Variants in SP5 observed in about 807,000 individuals in gnomAD.
SP5 encodes Sp5 transcription factor, also known as transcription factor Sp5.
A neutral mutation model predicts 27.4 loss-of-function variants in SP5; 12 were observed. That is an observed-to-expected ratio of 0.44 (90% CI 0.28 to 0.71). The LOEUF (loss-of-function observed/expected upper bound fraction) is 0.71, where lower values mean the gene tolerates loss of function less well. Among genes scored for constraint, SP5 ranks in the 30% least tolerant of loss-of-function variants. SP5 has a pLI of 0.15. For synonymous variants in SP5, 330 were observed against 290.7 expected (o/e 1.14, Z -1.38); for missense variants, 660 against 589.8 (o/e 1.12, Z -1.23).
rs1414920259 is a variant in SP5, at chr2:170,716,680, G to C, written c.473G>C (p.Gly158Ala). The change falls in exon 2 of 2, where the codon GGC becomes GCC. Residue 158 changes from glycine to alanine, a missense_variant. By Grantham distance (60) the Gly-to-Ala change is moderately conservative. Transcript: ENST00000375281. ...PYAAQAALPPGYSNLLPPPPP... is the reference protein window; with the variant it reads ...PYAAQAALPPAYSNLLPPPPP... ...GCGGCGCAGGCCGCGCTGCCGCCAG[G>C]CTACTCCAACCTGCTGCCTCCGCCG... 1.3e-6 allele frequency: 2 copies of C among 1,587,080 alleles called. No individual in the cohort carries two copies. The highest frequency in any genetic ancestry group is 1.7e-6 in the Non-Finnish European group (2 of 1,172,018).
In SP5 at chr2:170,717,311, C is replaced by G; in HGVS notation, c.1104C>G (p.Ser368Arg). 1 of 1,609,874 alleles carries G rather than the reference C, an allele frequency of 6.2e-7. No homozygotes were observed. Among genetic ancestry groups the G allele is most frequent in the Non-Finnish European group, 8.5e-7 (1 of 1,179,892 alleles). Residue 368 changes from serine to arginine, a missense_variant, in exon 2 of 2, where the codon AGC becomes AGG. Ser to Arg is a moderately radical substitution (Grantham distance 110). Transcript: ENST00000375281. The part of the protein sequence containing the change: ...CPECGKRFMR[S>R]DHLAKHVKTH... Reference sequence around the variant, plus strand: ...AGTGCGGCAAGCGCTTCATGCGCAGCGACCACCTCGCGAAGCACGTCAAGA... The same window carrying G: ...AGTGCGGCAAGCGCTTCATGCGCAGGGACCACCTCGCGAAGCACGTCAAGA...
At position 170,717,316 on chromosome 2, in the gene SP5, A is replaced by T; in HGVS notation, c.1109A>T (p.His370Leu). Residue 370 changes from histidine (H) to leucine (L), a missense_variant, in exon 2 of 2, where the codon CAC becomes CTC. Physicochemically the swap from His to Leu is moderately conservative, Grantham distance 99. Coordinates refer to ENST00000375281, the MANE Select transcript of SP5 (RefSeq NM_001003845.3). ...GGCAAGCGCTTCATGCGCAGCGACC[A>T]CCTCGCGAAGCACGTCAAGACTCAC... is the stretch of plus-strand genomic sequence containing the variant. ...ECGKRFMRSD[H>L]LAKHVKTHQN... 1.2e-6 allele frequency: 2 copies of T among 1,610,102 alleles called. No homozygotes were observed.
Position 170,715,340 on chromosome 2 carries a change from C to CCG in SP5, c.-166_-165dup. On this transcript the variant is annotated 5_prime_UTR_variant, in exon 1 of 2. Transcript: ENST00000375281. The stretch of plus-strand genomic sequence containing the variant: ...TGGAGGTGATCCTGAAGCGCTCAGA[C>CCG]CGCGCGCGGGGCGAGCGAGCGGGGC... 6.3e-6 allele frequency: 5 copies of CCG among 789,022 alleles called. No homozygotes were observed. The South Asian group carries it at 9.9e-5, about 16-fold the overall frequency. The allele number at this position is 789,022 out of a possible 1,614,324, so 48.9% of individuals were successfully genotyped here.
At position 170,716,890 on chromosome 2, in the gene SP5, C is replaced by T; in HGVS notation, c.683C>T (p.Ala228Val). The T allele has an allele frequency of 6.6e-7, 1 of 1,523,260 alleles. No homozygotes were observed. The highest frequency in any genetic ancestry group is 8.8e-7 in the Non-Finnish European group (1 of 1,137,114). The allele number at this position is 1,523,260 out of a possible 1,614,324, so 94.4% of individuals were successfully genotyped here. The stretch of plus-strand genomic sequence containing the variant: ...CCCCGCTTCCCCGCCTCTGCGGCCG[C>T]TGCTGCTGCGGCCGCCGCCGCCCTA... ...HAPRFPASAAAAAAAAAALQR... is the reference protein window; with the variant it reads ...HAPRFPASAAVAAAAAAALQR... Residue 228 changes from alanine to valine, a missense_variant, in exon 2 of 2, where the codon GCT becomes GTT. Ala to Val is a moderately conservative substitution (Grantham distance 64, BLOSUM62 0). Coordinates refer to ENST00000375281, the MANE Select transcript of SP5 (RefSeq NM_001003845.3).
rs774320324 is a variant in SP5, at chr2:170,717,056, C to T, written c.849C>T (p.Gly283=). 13 of 1,550,126 alleles carry T rather than the reference C, an allele frequency of 8.4e-6. No individual in the cohort carries two copies. Among genetic ancestry groups the T allele is most frequent in the Admixed American group, 5.9e-5 (3 of 51,182 alleles). ...GCTGTCCCAACTGCCAGGCGGCGGG[C>T]GGCGCCCCCGAGGCGGAGCCGGGGA... The part of the protein sequence containing the change: ...RCRCPNCQAA[G]GAPEAEPGKK... The change falls in exon 2 of 2, where the codon GGC becomes GGT. Residue 283 remains glycine (G), a synonymous_variant. Coordinates refer to ENST00000375281, the MANE Select transcript of SP5 (RefSeq NM_001003845.3).
rs1700082510 is a variant in SP5 at position 170,716,892 on chromosome 2, G to T, written c.685G>T (p.Ala229Ser). The T allele has an allele frequency of 2.6e-6, 4 of 1,524,016 alleles. No individual in the cohort carries two copies. Among genetic ancestry groups the T allele is most frequent in the Non-Finnish European group, 3.5e-6 (4 of 1,137,486 alleles). 94.4% of individuals were successfully genotyped at this position (1,524,016 alleles called of 1,614,324 possible). A position where few individuals can be genotyped will look rare whatever the true frequency, so the allele number is the denominator to read the frequency against. The change falls in exon 2 of 2, where the codon GCT becomes TCT. Residue 229 changes from alanine to serine, a missense_variant. Transcript: ENST00000375281. ...APRFPASAAA[A>S]AAAAAALQRG... ...CCGCTTCCCCGCCTCTGCGGCCGCT[G>T]CTGCTGCGGCCGCCGCCGCCCTACA... is the stretch of plus-strand genomic sequence containing the variant.
In SP5 at chr2:170,717,169, C is replaced by T. The variant is rs771110451; in HGVS notation, c.962C>T (p.Thr321Met). The T allele has an allele frequency of 1.2e-6, 2 of 1,606,640 alleles. No homozygotes were observed. The highest frequency in any genetic ancestry group is 8.5e-7 in the Non-Finnish European group (1 of 1,177,506). ...SHLKAHLRWHTGERPFVCNWL... is the reference protein window; with the variant it reads ...SHLKAHLRWHMGERPFVCNWL... ...CTGAAGGCGCACCTGCGCTGGCACA[C>T]GGGCGAGCGACCCTTCGTGTGCAAC... is the stretch of plus-strand genomic sequence containing the variant. The change falls in exon 2 of 2, where the codon ACG (threonine) becomes ATG (methionine). Residue 321 changes from threonine to methionine, a missense_variant. Physicochemically the swap from Thr to Met is moderately conservative, Grantham distance 81 (BLOSUM62 -1). Transcript: ENST00000375281.
chr2:170,715,721 C>G (rs924281876), intron 1 of SP5, 158 bp downstream of exon 1: 1 of 985,336 alleles, frequency 1.0e-6, no homozygotes, highest in Non-Finnish European at 1.2e-6. Context: ...ACACCTAATC[C>G]GGTGTGGCCT....
In SP5 at chr2:170,717,475, A is replaced by C; in HGVS notation, c.*71A>C. The C allele has an allele frequency of 1.3e-6, 2 of 1,564,104 alleles. No individual in the cohort carries two copies. The highest frequency in any genetic ancestry group is 1.7e-6 in the Non-Finnish European group (2 of 1,160,042). ...CCGGGGACCTGTGGGCAGCTGGCGG[A>C]GGGGAGACTCAGCAGACGGACCCTC... On this transcript the variant is annotated 3_prime_UTR_variant, in exon 2 of 2. Transcript: ENST00000375281.
Position 170,717,521 on chromosome 2 carries a change from A to G in SP5, c.*117A>G. On this transcript the variant is annotated 3_prime_UTR_variant, in exon 2 of 2. Coordinates refer to ENST00000375281, the MANE Select transcript of SP5 (RefSeq NM_001003845.3). The stretch of plus-strand genomic sequence containing the variant: ...CCCTCTCCGTTGCCTGCCTCCCAAA[A>G]TGGAGCCAGGCTTCCAACTTCCGCT... 1 of 1,343,604 alleles carries G rather than the reference A, an allele frequency of 7.4e-7. No homozygotes were observed. Among genetic ancestry groups the G allele is most frequent in the South Asian group, 1.3e-5 (1 of 74,416 alleles). 83.2% of individuals were successfully genotyped at this position (1,343,604 alleles called of 1,614,324 possible). A position where few individuals can be genotyped will look rare whatever the true frequency, so the allele number is the denominator to read the frequency against.
chr2:170,716,248 C>T lies in SP5; in HGVS notation c.52-11C>T. 6.3e-7 allele frequency: 1 copy of T among 1,579,408 alleles called. No homozygotes were observed. The highest frequency in any genetic ancestry group is 8.5e-7 in the Non-Finnish European group (1 of 1,174,288). On this transcript the variant is annotated splice_polypyrimidine_tract_variant and intron_variant, in intron 1 of 1. Coordinates refer to ENST00000375281, the MANE Select transcript of SP5 (RefSeq NM_001003845.3). ...TTGTCTCTTCTCCGCCCTCCCTCGC[C>T]GCCTATGCAGGACCGCACCCCCAGC... is the stretch of plus-strand genomic sequence containing the variant.
rs778293347 is a variant in SP5 at position 170,716,911 on chromosome 2, C to G, written c.704C>G (p.Ala235Gly). Residue 235 changes from alanine to glycine, a missense_variant, in exon 2 of 2, where the codon GCC becomes GGC. Transcript: ENST00000375281. ...GCCGCTGCTGCTGCGGCCGCCGCCG[C>G]CCTACAAAGAGGCCTGGTGTTGGGC... ...SAAAAAAAAA[A>G]LQRGLVLGPS... 10 of 1,536,600 alleles carry G rather than the reference C, an allele frequency of 6.5e-6. No homozygotes were observed. The South Asian group carries it at 1.2e-4, about 19-fold the overall frequency.
rs1299349847 is a variant in SP5 at position 170,716,961 on chromosome 2, A to G, written c.754A>G (p.Ser252Gly). The G allele has an allele frequency of 3.2e-6, 5 of 1,547,724 alleles. No homozygotes were observed. Among genetic ancestry groups the G allele is most frequent in the Non-Finnish European group, 4.4e-6 (5 of 1,146,406 alleles). ...CCCGTCGGACTTTGCGCAGTACCAG[A>G]GCCAGATCGCCGCGCTGCTGCAGAC... ...LGPSDFAQYQ[S>G]QIAALLQTKA... Residue 252 changes from serine to glycine, a missense_variant, in exon 2 of 2, where the codon AGC becomes GGC. Physicochemically the swap from Ser to Gly is moderately conservative, Grantham distance 56 (BLOSUM62 0). Transcript: ENST00000375281.
chr2:170,717,631 C>T lies in SP5; in HGVS notation c.*227C>T, dbSNP rs1347815840. Reference sequence around the variant, plus strand: ...TTTGGATTGTAATTGGGAGCTCTGCCGTACGCCAGGGCGGTTCCAAACTCT... The same window carrying T: ...TTTGGATTGTAATTGGGAGCTCTGCTGTACGCCAGGGCGGTTCCAAACTCT... On this transcript the variant is annotated 3_prime_UTR_variant, in exon 2 of 2. Coordinates refer to ENST00000375281, the MANE Select transcript of SP5 (RefSeq NM_001003845.3). 4 of 628,322 alleles carry T rather than the reference C, an allele frequency of 6.4e-6. No homozygotes were observed. Among genetic ancestry groups the T allele is most frequent in the Non-Finnish European group, 1.1e-5 (4 of 368,096 alleles). The allele number at this position is 628,322 out of a possible 1,614,324, so 38.9% of individuals were successfully genotyped here. A position where few individuals can be genotyped will look rare whatever the true frequency, so the allele number is the denominator to read the frequency against.
rs777299261 is a variant in SP5, at chr2:170,716,609, C to T, written c.402C>T (p.Ser134=). ...EFSPVKMLPS[S]MAALPASCAP... ...CGCCGGTCAAGATGCTGCCCTCGAG[C>T]ATGGCGGCTCTGCCCGCCAGCTGCG... Residue 134 remains serine (S), a synonymous_variant, in exon 2 of 2, where the codon AGC becomes AGT. Coordinates refer to ENST00000375281, the MANE Select transcript of SP5 (RefSeq NM_001003845.3). 5 of 1,608,886 alleles carry T rather than the reference C, an allele frequency of 3.1e-6. No individual in the cohort carries two copies. In the East Asian group the frequency reaches 1.1e-4, roughly 36 times the overall value.
intron 1 of SP5, chr2:170,715,853 C>A (rs1449285794): frequency 1.0e-6 from 1 of 985,266 alleles, no homozygotes; most frequent in Non-Finnish European, 1.2e-6. Context: ...CAGGGAGGAG[C>A]GCGAAGGCAG....
chr2:170,716,130 G>A (rs1286896539), intron 1 of SP5, 129 bp from the exon 2 acceptor site: 4 of 1,411,836 alleles, frequency 2.8e-6, no homozygotes, highest in Non-Finnish European at 3.7e-6. Context: ...GCGGTGGCGG[G>A]GGAGGGACGG....
At chr2:170,715,930 G>A (rs932420614) in intron 1 of SP5, 11 of 1,338,520 alleles carry the variant, frequency 8.2e-6, no homozygotes, top group Admixed American at 7.6e-5. Context: ...GGTGTTTCCC[G>A]ACTCTTACTG....
At position 170,716,794 on chromosome 2, in the gene SP5, G is replaced by C. The variant is rs1700079423; in HGVS notation, c.587G>C (p.Gly196Ala). The C allele has an allele frequency of 1.5e-5, 21 of 1,403,274 alleles. No homozygotes were observed. The highest frequency in any genetic ancestry group is 3.2e-5 in the South Asian group (2 of 62,872). 86.9% of individuals were successfully genotyped at this position (1,403,274 alleles called of 1,614,324 possible). A position where few individuals can be genotyped will look rare whatever the true frequency, so the allele number is the denominator to read the frequency against. The change falls in exon 2 of 2, where the codon GGC becomes GCC. Residue 196 changes from glycine (G) to alanine (A), a missense_variant. Transcript: ENST00000375281. Reference protein sequence around the residue: ...DLPWWSIPQAGAGPGASGVPG... With the variant: ...DLPWWSIPQAAAGPGASGVPG... ...CCGTGGTGGAGCATCCCGCAGGCGG[G>C]CGCCGGGCCGGGGGCCTCCGGGGTT...
Sources: allele counts gnomAD v4.1 joint callset, GRCh38; gene constraint gnomAD v4.1.1; transcripts MANE v1.5; gene names NCBI Gene and HGNC (gene_info 2026-07-23, HGNC 2026-07-21).